The following TET1 variants were observed in gnomAD, a reference collection of about 807,000 sequenced individuals.
The protein encoded by TET1 is methylcytosine dioxygenase TET1.
Under a neutral mutation model 148.7 loss-of-function variants are expected in TET1, and 13 were observed. The ratio of observed to expected loss-of-function variants is 0.09; its 90% CI spans 0.06 to 0.14. The LOEUF is 0.14. Among genes scored for constraint, TET1 ranks in the 10% least tolerant of loss-of-function variants. TET1 has a pLI of 1.00. For missense variants in TET1, 2,182 were observed against 2,553.8 expected, an observed-to-expected ratio of 0.85 and a Z score of 3.14; for synonymous variants, 907 against 937.2, an observed-to-expected ratio of 0.97 and a Z score of 0.59.
chr10:68,666,842 G>A (rs1207337609), intron 6 of TET1, among the ~76,000 whole-genome samples: 1 of 152,130 alleles, frequency 6.6e-6, no homozygotes, highest in Non-Finnish European at 1.5e-5. Context: ...CCAGATCTTT[G>A]GGAGGCCAAG....
In TET1 at chr10:68,645,580, C is replaced by T. The variant is rs751796703; in HGVS notation, c.2851C>T (p.Pro951Ser). 2.5e-6 allele frequency: 4 copies of T among 1,614,026 alleles called. No individual in the cohort carries two copies. The highest frequency in any genetic ancestry group is 3.4e-6 in the Non-Finnish European group (4 of 1,180,030). ...LQDPNLQGEP[P>S]KLNHCPSLEK... is the part of the protein sequence containing the mutation. ...AGACCCAAACTTACAGGGAGAGCCA[C>T]CAAAACTTAATCACTGTCCATCTTT... Residue 951 changes from proline (P) to serine (S), a missense_variant, in exon 4 of 12, where the codon CCA becomes TCA. By Grantham distance (74) the Pro-to-Ser change is moderately conservative. Coordinates refer to ENST00000373644, the MANE Select transcript of TET1 (RefSeq NM_030625.3).
intron 2 of TET1, among the ~76,000 whole-genome samples, chr10:68,586,646 T>G (rs1158278159): frequency 2.0e-5 from 3 of 152,136 alleles, no homozygotes; most frequent in Non-Finnish European, 2.9e-5. Context: ...CATCAGTTTT[T>G]TTTTTTTTTT....
intron 6 of TET1, among the ~76,000 whole-genome samples, chr10:68,661,395 T>C (rs974312173): frequency 6.6e-6 from 1 of 151,040 alleles, no homozygotes; most frequent in African/African-American, 2.4e-5. Context: ...ACATTATAGA[T>C]ATATTTCAAA....
rs762532408 is a variant in TET1, at chr10:68,646,387, T to C, written c.3658T>C (p.Trp1220Arg). 2 of 1,614,204 alleles carry C rather than the reference T, an allele frequency of 1.2e-6. No individual in the cohort carries two copies. Among genetic ancestry groups the C allele is most frequent in the Non-Finnish European group, 8.5e-7 (1 of 1,180,042 alleles). The change falls in exon 4 of 12, where the codon TGG becomes CGG. Residue 1220 changes from tryptophan to arginine, a missense_variant. Physicochemically the swap from Trp to Arg is moderately radical, Grantham distance 101. This residue lies in a region of TET1 where 582 missense variants were observed against 599.5 expected (regional missense o/e 0.97). Coordinates refer to ENST00000373644, the MANE Select transcript of TET1 (RefSeq NM_030625.3). The stretch of plus-strand genomic sequence containing the variant: ...GAAAATTTCTTCCTCGACCAAAATA[T>C]GGAAACCACTGGCTCAAACGAGGTC... The part of the protein sequence containing the change: ...FGKISSSTKI[W>R]KPLAQTRSIM...
At chr10:68,675,051 G>C (rs1395003483) in intron 8 of TET1, 3 of 530,648 alleles carry the variant, frequency 5.7e-6, no homozygotes, top group African/African-American at 4.1e-5. Flanking sequence ...GGACAAAACA[G>C]GTGCTAAAGT....
intron 6 of TET1, among the ~76,000 whole-genome samples, chr10:68,660,716 A>G (rs2055095821): frequency 6.6e-6 from 1 of 151,536 alleles, no homozygotes; most frequent in Non-Finnish European, 1.5e-5. Context: ...GCTGGAGTGC[A>G]ATGACGCGAT....
Position 68,572,729 on chromosome 10 carries a change from T to G in TET1, c.391T>G (p.Ser131Ala). The G allele has an allele frequency of 6.2e-7, 1 of 1,614,128 alleles. No homozygotes were observed. ...VVAKSKKVPL[S>A]KGLEKQHDCD... ...AGCCAAATCCAAAAAGGTTCCACTT[T>G]CTAAGGGTTTAGAAAAGCAACATGA... Residue 131 changes from serine (S) to alanine (A), a missense_variant, in exon 2 of 12, where the codon TCT (serine) becomes GCT (alanine). This residue lies in a region of TET1 where 665 missense variants were observed against 672.4 expected (regional missense o/e 0.99). Transcript: ENST00000373644.
intron 3 of TET1, chr10:68,632,414 C>A: frequency 3.7e-6 from 6 of 1,611,472 alleles, no homozygotes; most frequent in Non-Finnish European, 5.1e-6. Flanking sequence ...GAGAGGAAGT[C>A]CCTTAAGCTC....
At chr10:68,662,825 C>T (rs1333797786) in intron 6 of TET1, among the ~76,000 whole-genome samples, 8 of 152,230 alleles carry the variant, frequency 5.3e-5, no homozygotes, top group Admixed American at 3.9e-4. Flanking sequence ...ATCGAATGAG[C>T]CTGGAGAGCT....
At chr10:68,600,107 G>C (rs1255852882) in intron 2 of TET1, among the ~76,000 whole-genome samples, 1 of 152,140 alleles carries the variant, frequency 6.6e-6, no homozygotes, top group African/African-American at 2.4e-5. Flanking sequence ...AGCCTACACT[G>C]TCCTCACATA....
At position 68,691,992 on chromosome 10, in the gene TET1, A is replaced by G. The variant is rs957548139; in HGVS notation, c.*178A>G. 1.4e-5 allele frequency: 10 copies of G among 691,886 alleles called. No homozygotes were observed. Among genetic ancestry groups the G allele is most frequent in the African/African-American group, 3.6e-5 (2 of 55,986 alleles). 42.9% of individuals were successfully genotyped at this position (691,886 alleles called of 1,614,324 possible). On this transcript the variant is annotated 3_prime_UTR_variant, in exon 12 of 12. Transcript: ENST00000373644. This position sits in a 1 kb window ranked among gnomAD's most constrained non-coding sequence, Gnocchi z 4.4. ...TTCTTAACTGTGACTATATTTTGAC[A>G]ATTGGTAGAAGGTGCACATTTTAAG...
intron 2 of TET1, among the ~76,000 whole-genome samples, chr10:68,595,612 CTTTTTTTT>C (rs71470530): frequency 2.6e-5 from 2 of 76,516 alleles, no homozygotes; most frequent in Non-Finnish European, 5.1e-5. Flanking sequence ...CACACAGCTT[CTTTTTTTT>C]TTTTTTTTTT....
At chr10:68,668,400 G>A (rs1316528626) in intron 7 of TET1, among the ~76,000 whole-genome samples, 1 of 152,160 alleles carries the variant, frequency 6.6e-6, no homozygotes, top group East Asian at 1.9e-4. Flanking sequence ...GCAATATTGA[G>A]CGATATTCGG....
intron 6 of TET1, among the ~76,000 whole-genome samples, chr10:68,664,670 A>ATTTTT (rs398013961): frequency 1.0e-5 from 1 of 99,542 alleles, no homozygotes; most frequent in African/African-American, 4.2e-5. Context: ...CCCAGCCTGC[A>ATTTTT]TTTTTTTTTT....
At chr10:68,664,413 A>AT (rs67844953) in intron 6 of TET1, among the ~76,000 whole-genome samples, 27,401 of 149,502 alleles carry the variant, frequency 0.18, 3,153 homozygotes, top group African/African-American at 0.32. Context: ...TTATTTTTTT[A>AT]TTTTTTTTAA....
intron 2 of TET1, among the ~76,000 whole-genome samples, chr10:68,574,725 A>T (rs962249720): frequency 1.3e-5 from 2 of 152,196 alleles, no homozygotes; most frequent in African/African-American, 4.8e-5. Context: ...TGCATCCCTA[A>T]TCTTGAAACT....
chr10:68,614,779 A>G (rs963162512), intron 3 of TET1, among the ~76,000 whole-genome samples: 3 of 152,068 alleles, frequency 2.0e-5, no homozygotes, highest in African/African-American at 7.2e-5. Context: ...TATTTTATAG[A>G]GACAGGGTTT....
intron 3 of TET1, among the ~76,000 whole-genome samples, chr10:68,639,150 CTTT>C (rs552031134): frequency 1.2e-3 from 182 of 148,544 alleles, no homozygotes; most frequent in Non-Finnish European, 2.3e-3. Flanking sequence ...TTCTTTCTTT[CTTT>C]TTTTTTTCTT....
chr10:68,591,146 C>T (rs1009852366), intron 2 of TET1, among the ~76,000 whole-genome samples: 2 of 152,192 alleles, frequency 1.3e-5, no homozygotes, highest in Non-Finnish European at 1.5e-5. Context: ...TGAGCCACCG[C>T]ATCCCATTTA....
Sources: allele counts gnomAD v4.1 joint callset (sites outside exome capture counted in the v4.1 genomes callset), GRCh38; gene constraint gnomAD v4.1.1; regional missense constraint gnomAD v4.1.1; non-coding constraint Gnocchi (gnomAD v3.1); transcripts MANE v1.5; gene names NCBI Gene and HGNC (gene_info 2026-07-23, HGNC 2026-07-21).